CDH23: variants seen among roughly 807,000 people sequenced by gnomAD.
The protein encoded by CDH23 is cadherin related 23.
A neutral mutation model predicts 317.1 loss-of-function variants in CDH23; 189 were observed. The ratio of observed to expected loss-of-function variants is 0.60; its 90% CI spans 0.53 to 0.67. The LOEUF (loss-of-function observed/expected upper bound fraction) is 0.67. CDH23 is among the 30% of genes least tolerant of loss of function. The pLI, the probability that CDH23 is intolerant of heterozygous loss-of-function variation, is 0.00. For missense variants in CDH23, 4,401 were observed against 4,592.4 expected, an observed-to-expected ratio of 0.96 and a Z score of 1.20; for synonymous variants, 1,839 against 1,876.8, an observed-to-expected ratio of 0.98 and a Z score of 0.52.
chr10:71,693,436 C>T (rs1865258936), intron 20 of CDH23, among the ~76,000 whole-genome samples: 1 of 152,148 alleles, frequency 6.6e-6, no homozygotes, highest in Admixed American at 6.5e-5. Context: ...CACACTAAAA[C>T]AACTCGAGGC....
chr10:71,762,022 C>T lies in CDH23; in HGVS notation c.4846-15658C>T, dbSNP rs146801768. The T allele has an allele frequency of 6.6e-3, 10,485 of 1,595,930 alleles. 105 individuals carry two copies. The highest frequency in any genetic ancestry group is 0.025 in the South Asian group (2,189 of 88,522). On this transcript the variant is annotated intron_variant, in intron 38 of 69. Transcript: ENST00000224721. ...GCGTGGCGACCTTGAAGGCTGCCACCGGACCTGCTCAGAGAGAGGAGAGCC... is the reference window on the plus strand; with the variant it reads ...GCGTGGCGACCTTGAAGGCTGCCACTGGACCTGCTCAGAGAGAGGAGAGCC...
At chr10:71,429,020 G>C (rs538017747) in intron 1 of CDH23, among the ~76,000 whole-genome samples, 1 of 152,292 alleles carries the variant, frequency 6.6e-6, no homozygotes, top group South Asian at 2.1e-4. Context: ...GATATTTTCT[G>C]TAGGTTGCGT....
At chr10:71,487,219 C>T (rs1458095203) in intron 3 of CDH23, among the ~76,000 whole-genome samples, 2 of 152,170 alleles carry the variant, frequency 1.3e-5, no homozygotes, top group African/African-American at 2.4e-5. Flanking sequence ...CAGTAGACTA[C>T]TACGTGTGTA....
intron 34 of CDH23, 52 bp from the exon 35 acceptor site, chr10:71,738,446 G>A (rs749560563): frequency 3.7e-6 from 6 of 1,611,982 alleles, no homozygotes; most frequent in Non-Finnish European, 3.4e-6. Flanking sequence ...CCAGGTGTTT[G>A]GGGCCAAGGA....
intron 7 of CDH23, among the ~76,000 whole-genome samples, chr10:71,568,120 G>T (rs932216777): frequency 3.3e-5 from 5 of 152,236 alleles, no homozygotes; most frequent in African/African-American, 4.8e-5. Context: ...CGAACTTCTT[G>T]TTTGGCCCTG....
intron 8 of CDH23, 64 bp from the exon 9 acceptor site, chr10:71,577,850 A>G: frequency 7.2e-7 from 1 of 1,388,522 alleles, no homozygotes. Context: ...GGGTGCCATG[A>G]TAGCTACAAA....
chr10:71,712,834 G>C, intron 28 of CDH23, 21 bp downstream of exon 28: 1 of 1,606,504 alleles, frequency 6.2e-7, no homozygotes, highest in Non-Finnish European at 8.5e-7. Context: ...CGTGGCCTCT[G>C]GGGCAGGTGG....
intron 3 of CDH23, among the ~76,000 whole-genome samples, chr10:71,491,238 T>G (rs746447897): frequency 6.6e-6 from 1 of 152,158 alleles, no homozygotes; most frequent in African/African-American, 2.4e-5. Context: ...TTGGGGTACT[T>G]TGATTACTTT....
chr10:71,674,362 T>G (rs1864269961), intron 14 of CDH23, among the ~76,000 whole-genome samples: 1 of 152,214 alleles, frequency 6.6e-6, no homozygotes, highest in South Asian at 2.1e-4. Context: ...CAAAATACAT[T>G]TTTAGCCATG....
At chr10:71,769,930 G>A (rs1401773876) in intron 38 of CDH23, among the ~76,000 whole-genome samples, 1 of 152,250 alleles carries the variant, frequency 6.6e-6, no homozygotes, top group South Asian at 2.1e-4. Context: ...GGCCAGGCTT[G>A]CCTTCAAGTT....
intron 3 of CDH23, among the ~76,000 whole-genome samples, chr10:71,468,829 T>G (rs1589110459): frequency 6.6e-6 from 1 of 152,124 alleles, no homozygotes; most frequent in African/African-American, 2.4e-5. Flanking sequence ...AGGGCAGGGG[T>G]GAGGCAGGTG....
chr10:71,811,934 C>T, intron 65 of CDH23, 21 bp from the exon 66 acceptor site: 1 of 1,611,368 alleles, frequency 6.2e-7, no homozygotes, highest in Non-Finnish European at 8.5e-7. Flanking sequence ...CCCCTCCATG[C>T]CCCAACCCTT....
At chr10:71,608,092 G>A (rs978259920) in intron 9 of CDH23, among the ~76,000 whole-genome samples, 2 of 152,202 alleles carry the variant, frequency 1.3e-5, no homozygotes, top group African/African-American at 4.8e-5. Context: ...CCAAAGGAAT[G>A]AGTGGTTTGC....
intron 1 of CDH23, among the ~76,000 whole-genome samples, chr10:71,432,299 A>AGT (rs1277766113): frequency 1.5e-5 from 2 of 132,594 alleles, no homozygotes. Context: ...TGTGTGTGTG[A>AGT]GTGTGTGAAT....
intron 38 of CDH23, among the ~76,000 whole-genome samples, chr10:71,759,831 A>ACACACACACACG (rs1234245053): frequency 4.4e-5 from 3 of 67,890 alleles, no homozygotes; most frequent in African/African-American, 1.2e-4. Context: ...ACACACACAC[A>ACACACACACACG]CACACACACA....
chr10:71,503,959 G>A (rs184659909), intron 3 of CDH23, among the ~76,000 whole-genome samples: 363 of 152,230 alleles, frequency 2.4e-3, no homozygotes, highest in Middle Eastern at 6.8e-3. Flanking sequence ...TCAGCCCAGT[G>A]AGCCTGTGAG....
chr10:71,627,900 C>G (rs1035851124), intron 11 of CDH23, among the ~76,000 whole-genome samples: 4 of 152,204 alleles, frequency 2.6e-5, no homozygotes, highest in Non-Finnish European at 5.9e-5. Context: ...GGCAAACTTT[C>G]TTCTCCATGC....
chr10:71,606,949 T>C (rs1167913615), intron 9 of CDH23, among the ~76,000 whole-genome samples: 4 of 152,254 alleles, frequency 2.6e-5, no homozygotes, highest in African/African-American at 9.6e-5. Flanking sequence ...CTCTCCTGGT[T>C]GAAAGCCGAG....
At chr10:71,572,207 C>T (rs1857865716) in intron 8 of CDH23, among the ~76,000 whole-genome samples, 2 of 152,184 alleles carry the variant, frequency 1.3e-5, no homozygotes, top group African/African-American at 4.8e-5. Context: ...GCAGTGGGAG[C>T]CCCTGCTTTT....
Sources: allele counts gnomAD v4.1 joint callset (sites outside exome capture counted in the v4.1 genomes callset), GRCh38; gene constraint gnomAD v4.1.1; transcripts MANE v1.5; gene names NCBI Gene and HGNC (gene_info 2026-07-23, HGNC 2026-07-21).